The following ADRA1B variants were observed in gnomAD, a reference collection of about 807,000 sequenced individuals.
ADRA1B encodes the protein adrenoceptor alpha 1B.
Under a neutral mutation model 17.9 loss-of-function variants are expected in ADRA1B, and 17 were observed. That is an observed-to-expected ratio of 0.95 (90% CI 0.65 to 1.42). ADRA1B has a LOEUF of 1.42. Among genes scored for constraint, ADRA1B ranks in the 40% most tolerant of loss-of-function variants. The pLI is 0.00. For missense variants in ADRA1B, 681 were observed against 722.1 expected (o/e 0.94, Z 0.65); for synonymous variants, 366 against 327.6 (o/e 1.12, Z -1.27).
intron 1 of ADRA1B, among the ~76,000 whole-genome samples, chr5:159,933,286 T>C (rs1258199472): frequency 6.6e-6 from 1 of 152,220 alleles, no homozygotes; most frequent in African/African-American, 2.4e-5. Flanking sequence ...TTCCTTAATA[T>C]CTTTAGGGCA....
chr5:159,960,571 G>A (rs1490418603), intron 1 of ADRA1B, among the ~76,000 whole-genome samples: 3 of 152,150 alleles, frequency 2.0e-5, no homozygotes, highest in Non-Finnish European at 4.4e-5. Context: ...TGAACATGGG[G>A]ACACCTGCCT....
intron 1 of ADRA1B, among the ~76,000 whole-genome samples, chr5:159,934,494 C>T (rs141701125): frequency 1.8e-4 from 27 of 152,034 alleles, no homozygotes; most frequent in African/African-American, 6.5e-4. Flanking sequence ...GCTTGAGTTG[C>T]TGTACTAGAA....
chr5:159,959,326 T>C (rs954823392), intron 1 of ADRA1B, among the ~76,000 whole-genome samples: 1 of 152,212 alleles, frequency 6.6e-6, no homozygotes, highest in Non-Finnish European at 1.5e-5. Context: ...AACAACCATT[T>C]ATTCAGCACC....
downstream of ADRA1B, among the ~76,000 whole-genome samples, chr5:159,973,397 AC>A (rs1220456925): frequency 6.6e-6 from 1 of 151,696 alleles, no homozygotes; most frequent in East Asian, 1.9e-4. Context: ...CCTAGACCCA[AC>A]CCCAGCTGGG....
the ADRA1B span, among the ~76,000 whole-genome samples, chr5:159,986,021 T>G: frequency 6.6e-6 from 1 of 152,180 alleles, no homozygotes; most frequent in East Asian, 1.9e-4. Flanking sequence ...AAGAAGGTGG[T>G]GGGAAGAAAG....
chr5:159,888,262 G>A (rs1016827927), intron 1 of ADRA1B: 5 of 152,080 alleles, frequency 3.3e-5, no homozygotes, highest in African/African-American at 1.2e-4. Flanking sequence ...TATGAGTATG[G>A]GGTGCTGTAT....
At chr5:159,904,242 G>A (rs1389802980) in intron 1 of ADRA1B, among the ~76,000 whole-genome samples, 8 of 152,174 alleles carry the variant, frequency 5.3e-5, no homozygotes, top group African/African-American at 1.9e-4. Context: ...GGCTCTGAGT[G>A]ACCATGGTCA....
At chr5:159,981,916 G>A in the ADRA1B span, among the ~76,000 whole-genome samples, 2 of 152,166 alleles carry the variant, frequency 1.3e-5, no homozygotes, top group East Asian at 3.9e-4. Flanking sequence ...CAGATTCTTT[G>A]GCACTCCTGT....
intron 1 of ADRA1B, among the ~76,000 whole-genome samples, chr5:159,933,064 T>C (rs1457881874): frequency 6.6e-6 from 1 of 152,242 alleles, no homozygotes; most frequent in African/African-American, 2.4e-5. Flanking sequence ...AGAGATTATA[T>C]CAATTTGCAT....
At chr5:159,944,689 T>C (rs1034354661) in intron 1 of ADRA1B, among the ~76,000 whole-genome samples, 2 of 151,728 alleles carry the variant, frequency 1.3e-5, no homozygotes, top group Non-Finnish European at 2.9e-5. Context: ...TCCTTCAATC[T>C]TTACAACAAC....
chr5:159,874,933 C>T (rs564756677), intron 1 of ADRA1B, among the ~76,000 whole-genome samples: 33 of 152,288 alleles, frequency 2.2e-4, no homozygotes, highest in Non-Finnish European at 3.4e-4. Context: ...CTGAAAAGAA[C>T]TGAACATTTA....
chr5:159,880,189 C>T (rs1350590835), intron 1 of ADRA1B, among the ~76,000 whole-genome samples: 1 of 152,150 alleles, frequency 6.6e-6, no homozygotes, highest in Non-Finnish European at 1.5e-5. Context: ...ACTCTATCAT[C>T]TTCATAGACT....
At chr5:159,933,106 A>G (rs1005708970) in intron 1 of ADRA1B, among the ~76,000 whole-genome samples, 1 of 152,244 alleles carries the variant, frequency 6.6e-6, no homozygotes, top group African/African-American at 2.4e-5. Flanking sequence ...GTGCCCACAC[A>G]TTCACTAAGA....
chr5:159,876,993 CT>C (rs1753810894), intron 1 of ADRA1B, among the ~76,000 whole-genome samples: 1 of 152,156 alleles, frequency 6.6e-6, no homozygotes, highest in Non-Finnish European at 1.5e-5. Context: ...TTTTCTTCCC[CT>C]AAGGGGTGCA....
intron 1 of ADRA1B, among the ~76,000 whole-genome samples, chr5:159,900,845 T>C (rs1754093071): frequency 6.6e-6 from 1 of 152,230 alleles, no homozygotes; most frequent in African/African-American, 2.4e-5. Flanking sequence ...ATAAGGACTG[T>C]GGATTGCTTC....
upstream of ADRA1B, chr5:159,916,351 G>A (rs1296402361): frequency 2.6e-5 from 4 of 151,790 alleles, no homozygotes; most frequent in African/African-American, 7.2e-5. Flanking sequence ...AGCGGCGGGG[G>A]ACGCGGCTGG....
chr5:159,908,799 A>C (rs1352393639), intron 1 of ADRA1B, among the ~76,000 whole-genome samples: 1 of 152,224 alleles, frequency 6.6e-6, no homozygotes, highest in Non-Finnish European at 1.5e-5. Context: ...AGTTAATTCA[A>C]ATGGGGCCAA....
chr5:159,918,793 G>A (rs920245683), intron 1 of ADRA1B, among the ~76,000 whole-genome samples: 3 of 152,214 alleles, frequency 2.0e-5, no homozygotes, highest in African/African-American at 7.2e-5. Flanking sequence ...TCTGTCACAT[G>A]CTGTCCACAT....
At chr5:159,926,802 A>G (rs1293404662) in intron 1 of ADRA1B, among the ~76,000 whole-genome samples, 2 of 152,076 alleles carry the variant, frequency 1.3e-5, no homozygotes, top group Non-Finnish European at 2.9e-5. Flanking sequence ...GAGGAGAATC[A>G]CTTGAACCTG....
Sources: gnomAD v4.1 joint callset for allele counts (sites outside exome capture counted in the v4.1 genomes callset) on GRCh38, gnomAD v4.1.1 for gene constraint, MANE v1.5 for transcripts, NCBI Gene and HGNC (gene_info 2026-07-23, HGNC 2026-07-21) for gene names.